The following TMC1 variants were observed in gnomAD, a reference collection of about 807,000 sequenced individuals.
TMC1 encodes transmembrane channel like 1.
TMC1 carries 84 observed loss-of-function variants against 105.8 expected under a neutral mutation model. The ratio of observed to expected loss-of-function variants is 0.79; its 90% CI spans 0.67 to 0.95. TMC1 has a LOEUF of 0.95. Among genes scored for constraint, TMC1 ranks in the 40% least tolerant of loss-of-function variants. The pLI, the probability that TMC1 is intolerant of heterozygous loss-of-function variation, is 0.00. For synonymous variants in TMC1, 315 were observed against 311.5 expected (o/e 1.01, Z -0.12); for missense variants, 817 against 914.1 (o/e 0.89, Z 1.37).
intron 12 of TMC1, among the ~76,000 whole-genome samples, chr9:72,763,081 A>G (rs1337290848): frequency 8.0e-6 from 1 of 124,710 alleles, no homozygotes; most frequent in East Asian, 2.7e-4. Context: ...AGTCCTAGCG[A>G]TGCCTTTTTT....
chr9:72,655,175 TG>T (rs560272286), intron 5 of TMC1, among the ~76,000 whole-genome samples: 68 of 152,330 alleles, frequency 4.5e-4, no homozygotes, highest in African/African-American at 1.6e-3. Flanking sequence ...TTCTCCTTTC[TG>T]CCACCTTGTG....
intron 21 of TMC1, among the ~76,000 whole-genome samples, chr9:72,829,565 C>T (rs1829010187): frequency 6.6e-6 from 1 of 152,050 alleles, no homozygotes; most frequent in South Asian, 2.1e-4. Flanking sequence ...GCCCTGCATG[C>T]ATTTATGTAT....
intron 5 of TMC1, among the ~76,000 whole-genome samples, chr9:72,652,185 T>C (rs1172836957): frequency 1.3e-5 from 2 of 152,164 alleles, no homozygotes; most frequent in African/African-American, 4.8e-5. Flanking sequence ...TTCCATATAC[T>C]TGTTGGCCAT....
chr9:72,783,832 G>T (rs1024344870), intron 13 of TMC1, among the ~76,000 whole-genome samples: 1 of 152,128 alleles, frequency 6.6e-6, no homozygotes, highest in African/African-American at 2.4e-5. Flanking sequence ...TAACTGGATA[G>T]CCCTATCCAG....
intron 2 of TMC1, among the ~76,000 whole-genome samples, chr9:72,606,177 G>T (rs751278618): frequency 1.3e-5 from 2 of 152,170 alleles, no homozygotes; most frequent in Non-Finnish European, 2.9e-5. Flanking sequence ...GGGCTTCCCA[G>T]CTCACTGGTG....
chr9:72,612,564 A>G (rs1317023950), intron 2 of TMC1, among the ~76,000 whole-genome samples: 1 of 151,918 alleles, frequency 6.6e-6, no homozygotes, highest in Admixed American at 6.6e-5. Flanking sequence ...TAACTCTGCT[A>G]TCTCAGTGAG....
chr9:72,534,216 A>G (rs1380302339), intron 1 of TMC1, among the ~76,000 whole-genome samples: 1 of 152,206 alleles, frequency 6.6e-6, no homozygotes, highest in African/African-American at 2.4e-5. Context: ...AGTGTCAGCA[A>G]TTTGGAGAGG....
intron 2 of TMC1, among the ~76,000 whole-genome samples, chr9:72,599,061 C>T (rs1824764875): frequency 6.6e-6 from 1 of 152,022 alleles, no homozygotes; most frequent in African/African-American, 2.4e-5. Context: ...GGCACAGTTT[C>T]ACTCTGTCGC....
At chr9:72,522,153 A>AGTTTTTTTT (rs11281487) in intron 1 of TMC1, among the ~76,000 whole-genome samples, 73,947 of 145,068 alleles carry the variant, frequency 0.51, 19,204 homozygotes, top group African/African-American at 0.67. Context: ...GTAATTGATA[A>AGTTTTTTTT]GTTTTTTTTT....
chr9:72,660,450 A>G (rs1825955307), intron 5 of TMC1, among the ~76,000 whole-genome samples: 8 of 152,188 alleles, frequency 5.3e-5, no homozygotes, highest in Admixed American at 5.2e-4. Context: ...TGAAAAAAAT[A>G]ACCTTTTATT....
intron 1 of TMC1, among the ~76,000 whole-genome samples, chr9:72,558,646 A>T (rs143880006): frequency 1.3e-5 from 2 of 152,150 alleles, no homozygotes; most frequent in East Asian, 3.9e-4. Flanking sequence ...CTCTGTTTCT[A>T]TTTCATCTTT....
intron 8 of TMC1, among the ~76,000 whole-genome samples, chr9:72,729,262 A>C (rs192927586): frequency 7.2e-5 from 11 of 152,324 alleles, no homozygotes; most frequent in Admixed American, 2.6e-4. Flanking sequence ...GTTGCTAATA[A>C]AAATTTTAGA....
At chr9:72,806,155 C>T (rs1434345763) in intron 18 of TMC1, among the ~76,000 whole-genome samples, 47 of 149,410 alleles carry the variant, frequency 3.1e-4, no homozygotes, top group Non-Finnish European at 4.8e-4. Flanking sequence ...CCGGGCGGGG[C>T]GGCTGGCCGG....
chr9:72,623,756 C>T lies in TMC1; in HGVS notation c.-195-4165C>T, dbSNP rs116185537. Among the ~76,000 whole-genome samples, 631 of 152,176 alleles carry T rather than the reference C, an allele frequency of 4.1e-3. 3 individuals are homozygous for T. The highest frequency in any genetic ancestry group is 0.014 in the African/African-American group (594 of 41,518). On this transcript the variant is annotated intron_variant, in intron 3 of 23. Coordinates refer to ENST00000297784, the MANE Select transcript of TMC1 (RefSeq NM_138691.3). ...CAACGTTTTCTTCCCAAGCTGGTGCCGTAACTGAGCCTTTACCAGGCTATT... is the reference window on the plus strand; with the variant it reads ...CAACGTTTTCTTCCCAAGCTGGTGCTGTAACTGAGCCTTTACCAGGCTATT...
At chr9:72,723,122 C>T (rs897578301) in intron 8 of TMC1, among the ~76,000 whole-genome samples, 6 of 152,126 alleles carry the variant, frequency 3.9e-5, no homozygotes, top group African/African-American at 1.2e-4. Context: ...GTGAAGGCTC[C>T]AGACAAAGGC....
intron 11 of TMC1, among the ~76,000 whole-genome samples, chr9:72,754,554 G>T (rs905830996): frequency 6.6e-6 from 1 of 152,148 alleles, no homozygotes; most frequent in African/African-American, 2.4e-5. Context: ...GAATGTGGTT[G>T]ACCTGACTGC....
rs114463482 is a variant in TMC1 at position 72,538,985 on chromosome 9, G to A, written c.-428+17072G>A. Among the ~76,000 whole-genome samples, 777 of 152,218 alleles carry A rather than the reference G, an allele frequency of 5.1e-3. 4 individuals are homozygous for A. The highest frequency in any genetic ancestry group is 0.018 in the African/African-American group (735 of 41,532). On this transcript the variant is annotated intron_variant, in intron 1 of 23. Transcript: ENST00000297784. ...GAGCTAGTTTTTCAGGTTTCTTTGG[G>A]ATCTCCTTGACCAAGGGGTCCATTC...
Position 72,740,146 on chromosome 9 carries a change from T to C in TMC1, c.390T>C (p.Asn130=), listed in dbSNP as rs1827363512. ...AGGCAAAAAAATTTGTGAGTGAAAA[T>C]GAAGGGGCTCTTGGGAAAGGAAAAG... ...LKEAKKFVSE[N]EGALGKGKGK... Residue 130 remains asparagine (N), a synonymous_variant, in exon 9 of 24, where the codon AAT becomes AAC. Coordinates refer to ENST00000297784, the MANE Select transcript of TMC1 (RefSeq NM_138691.3). The C allele has an allele frequency of 6.2e-7, 1 of 1,613,702 alleles. No homozygotes were observed. The highest frequency in any genetic ancestry group is 8.5e-7 in the Non-Finnish European group (1 of 1,179,744).
intron 18 of TMC1, among the ~76,000 whole-genome samples, chr9:72,809,353 A>G (rs2118255961): frequency 6.6e-6 from 1 of 152,354 alleles, no homozygotes; most frequent in South Asian, 2.1e-4. Flanking sequence ...TTCCTGTTTT[A>G]GGTCACAGAG....
Sources: allele counts gnomAD v4.1 joint callset (sites outside exome capture counted in the v4.1 genomes callset), GRCh38; gene constraint gnomAD v4.1.1; transcripts MANE v1.5; gene names NCBI Gene and HGNC (gene_info 2026-07-23, HGNC 2026-07-21).